OXSR1: variants seen among roughly 807,000 people sequenced by gnomAD.
OXSR1 encodes serine/threonine-protein kinase OSR1.
Under a neutral mutation model 79.8 loss-of-function variants are expected in OXSR1, and 24 were observed. The ratio of observed to expected loss-of-function variants is 0.30; its 90% confidence interval spans 0.22 to 0.42. The LOEUF (loss-of-function observed/expected upper bound fraction) is 0.42, where lower values mean the gene tolerates loss of function less well. Ranked by LOEUF, OXSR1 falls within the 10% of genes least tolerant of loss-of-function variation. The pLI is 1.00. For synonymous variants in OXSR1, 226 were observed against 209.2 expected (o/e 1.08, Z -0.69); for missense variants, 430 against 618.4 (o/e 0.70, Z 3.23).
intron 2 of OXSR1, among the ~76,000 whole-genome samples, chr3:38,185,281 A>G (rs1701863132): frequency 1.3e-5 from 2 of 152,282 alleles, no homozygotes; most frequent in East Asian, 3.9e-4. Context: ...GTTATAACAA[A>G]CTAAGTAAAA....
Position 38,165,555 on chromosome 3 carries a change from G to A in OXSR1, c.-322G>A, listed in dbSNP as rs1006627655. On this transcript the variant is annotated 5_prime_UTR_variant, in exon 1 of 18. Transcript: ENST00000311806. ...AAAGTTTGGCCCGTGCGTGGGGCTG[G>A]GGTGGAGGGCGGGACAGAGGGGCTG... The A allele has an allele frequency of 5.6e-6, 2 of 360,224 alleles. No individual in the cohort carries two copies. The highest frequency in any genetic ancestry group is 4.4e-5 in the African/African-American group (2 of 45,892). The allele number at this position is 360,224 out of a possible 1,614,324, so 22.3% of individuals were successfully genotyped here. A position where few individuals can be genotyped will look rare whatever the true frequency, so the allele number is the denominator to read the frequency against.
chr3:38,250,460 T>G (rs923574465), intron 15 of OXSR1, among the ~76,000 whole-genome samples: 1 of 152,214 alleles, frequency 6.6e-6, no homozygotes, highest in African/African-American at 2.4e-5. Context: ...TATACATGGT[T>G]GTTCTCCATG....
intron 6 of OXSR1, 96 bp from the exon 7 acceptor site, chr3:38,223,716 C>CT: frequency 1.4e-6 from 1 of 729,762 alleles, no homozygotes; most frequent in South Asian, 2.0e-5. Context: ...TCCCAAAGTG[C>CT]TGGGATTACA....
chr3:38,253,082 T>C lies in OXSR1; in HGVS notation c.*191T>C. 1.7e-6 allele frequency: 1 copy of C among 587,468 alleles called. No individual in the cohort carries two copies. The highest frequency in any genetic ancestry group is 2.1e-5 in the South Asian group (1 of 48,008). 36.4% of individuals were successfully genotyped at this position (587,468 alleles called of 1,614,324 possible). A position where few individuals can be genotyped will look rare whatever the true frequency, so the allele number is the denominator to read the frequency against. On this transcript the variant is annotated 3_prime_UTR_variant, in exon 18 of 18. Transcript: ENST00000311806. Reference sequence around the variant, plus strand: ...AGGGAAAGAAAAGTTGGATCACTAGTGGCCAGCATCCCCAGAGTTCCGTTA... The same window carrying C: ...AGGGAAAGAAAAGTTGGATCACTAGCGGCCAGCATCCCCAGAGTTCCGTTA...
In OXSR1 at chr3:38,236,905, G is replaced by A; in HGVS notation, c.1018G>A (p.Asp340Asn). The change falls in exon 11 of 18, where the codon GAT becomes AAT. Residue 340 changes from aspartate (D) to asparagine (N), a missense_variant. Physicochemically the swap from Asp to Asn is conservative, Grantham distance 23. Around this residue, in one of 3 missense-constraint regions of OXSR1, gnomAD observed 276 missense variants for 354.2 expected, o/e 0.78. Transcript: ENST00000311806. ...AGAGGATGGAGGCTGGGAGTGGAGT[G>A]ATGATGAATTTGATGAAGAAAGTGA... ...KTEDGGWEWS[D>N]DEFDEESEEG... The A allele has an allele frequency of 1.9e-6, 3 of 1,612,766 alleles. No individual in the cohort carries two copies. The highest frequency in any genetic ancestry group is 2.5e-6 in the Non-Finnish European group (3 of 1,179,078).
chr3:38,213,277 T>A (rs1702421802), intron 4 of OXSR1, among the ~76,000 whole-genome samples: 1 of 152,180 alleles, frequency 6.6e-6, no homozygotes, highest in Non-Finnish European at 1.5e-5. Flanking sequence ...AATGGCACCT[T>A]ACTTTTATGG....
chr3:38,165,709 C>G lies in OXSR1; in HGVS notation c.-168C>G. ...GGAGCTCTGAGCCCCCGCTGCTCTG[C>G]CGCGCGGTGACCCCGCGCCCCGGCG... On this transcript the variant is annotated 5_prime_UTR_variant, in exon 1 of 18. Coordinates refer to ENST00000311806, the MANE Select transcript of OXSR1 (RefSeq NM_005109.3). 1 of 583,380 alleles carries G rather than the reference C, an allele frequency of 1.7e-6. No homozygotes were observed. Among genetic ancestry groups the G allele is most frequent in the Non-Finnish European group, 3.0e-6 (1 of 337,234 alleles). 36.1% of individuals were successfully genotyped at this position (583,380 alleles called of 1,614,324 possible).
intron 12 of OXSR1, among the ~76,000 whole-genome samples, chr3:38,245,040 T>C (rs565868359): frequency 7.6e-4 from 116 of 152,266 alleles, no homozygotes; most frequent in African/African-American, 2.2e-3. Flanking sequence ...GTATTAATAA[T>C]TAACATTTTC....
rs781464170 is a variant in OXSR1 at position 38,255,350 on chromosome 3, A to G, written c.*2459A>G. 1.3e-5 allele frequency: 2 copies of G among 152,694 alleles called. No individual in the cohort carries two copies. Among genetic ancestry groups the G allele is most frequent in the Non-Finnish European group, 2.9e-5 (2 of 68,046 alleles). 9.5% of individuals were successfully genotyped at this position (152,694 alleles called of 1,614,324 possible). On this transcript the variant is annotated 3_prime_UTR_variant, in exon 18 of 18. Coordinates refer to ENST00000311806, the MANE Select transcript of OXSR1 (RefSeq NM_005109.3). The stretch of plus-strand genomic sequence containing the variant: ...TGGAGGAGAGAATAATGATGTACCA[A>G]TAAGTGGAGATTCCTCCTTATGATG...
chr3:38,225,779 T>C (rs1027208883), intron 8 of OXSR1, among the ~76,000 whole-genome samples: 11 of 152,160 alleles, frequency 7.2e-5, no homozygotes, highest in Non-Finnish European at 1.6e-4. Flanking sequence ...CCCATGGCTG[T>C]TTTCAGTGGG....
rs1265246479 is a variant in OXSR1, at chr3:38,252,873, C to G, written c.1566C>G (p.Ala522=). ...IPDDGKLIGF[A]QLSIS ...ATGATGGTAAACTGATAGGATTTGC[C>G]CAGCTCAGCATCAGCTAAACCACAA... Residue 522 remains alanine, a synonymous_variant, in exon 18 of 18, where the codon GCC becomes GCG. Transcript: ENST00000311806. 1 of 1,613,590 alleles carries G rather than the reference C, an allele frequency of 6.2e-7. No individual in the cohort carries two copies. Among genetic ancestry groups the G allele is most frequent in the South Asian group, 1.1e-5 (1 of 91,068 alleles).
intron 4 of OXSR1, among the ~76,000 whole-genome samples, chr3:38,199,830 C>A (rs556577120): frequency 6.6e-6 from 1 of 152,282 alleles, no homozygotes; most frequent in African/African-American, 2.4e-5. Context: ...AGATGCTGGA[C>A]TCAGGACTCA....
chr3:38,183,079 C>T lies in OXSR1; in HGVS notation c.147C>T (p.Asn49=). The T allele has an allele frequency of 6.2e-7, 1 of 1,612,032 alleles. No homozygotes were observed. The highest frequency in any genetic ancestry group is 8.5e-7 in the Non-Finnish European group (1 of 1,178,802). ...AGAAAGTGGCAATCAAACGGATAAA[C>T]CTTGAGAAATGTCAAACTAGCATGG... ...KKEKVAIKRI[N]LEKCQTSMDE... Residue 49 remains asparagine, a synonymous_variant, in exon 2 of 18, where the codon AAC becomes AAT. Coordinates refer to ENST00000311806, the MANE Select transcript of OXSR1 (RefSeq NM_005109.3).
rs763820051 is a variant in OXSR1, at chr3:38,216,072, A to G, written c.435-24A>G. ...CCAAAGAATAGATGTTTTTTGATAC[A>G]TAACTTTTTTTTTTTTTTTAAAGAG... is the stretch of plus-strand genomic sequence containing the variant. On this transcript the variant is annotated intron_variant, in intron 4 of 17. Coordinates refer to ENST00000311806, the MANE Select transcript of OXSR1 (RefSeq NM_005109.3). 1.1e-5 allele frequency: 15 copies of G among 1,400,042 alleles called. No homozygotes were observed. The Admixed American group carries it at 1.5e-4, about 14-fold the overall frequency. The allele number at this position is 1,400,042 out of a possible 1,614,324, so 86.7% of individuals were successfully genotyped here.
rs35799757 is a variant in OXSR1 at position 38,253,785 on chromosome 3, G to A, written c.*894G>A. 4.4e-3 allele frequency: 774 copies of A among 176,960 alleles called. 23 individuals carry two copies. Among genetic ancestry groups the A allele is most frequent in the Admixed American group, 0.044 (697 of 16,002 alleles). The allele number at this position is 176,960 out of a possible 1,614,324, so 11.0% of individuals were successfully genotyped here. A position where few individuals can be genotyped will look rare whatever the true frequency, so the allele number is the denominator to read the frequency against. On this transcript the variant is annotated 3_prime_UTR_variant, in exon 18 of 18. Coordinates refer to ENST00000311806, the MANE Select transcript of OXSR1 (RefSeq NM_005109.3). Reference sequence around the variant, plus strand: ...GAAAATCAGTTCGCCTGGCCTCCAAGTCGTGAGGAAATGGGTATGCAAGGC... The same window carrying A: ...GAAAATCAGTTCGCCTGGCCTCCAAATCGTGAGGAAATGGGTATGCAAGGC...
intron 15 of OXSR1, among the ~76,000 whole-genome samples, chr3:38,251,031 T>TGAAAA (rs1207531308): frequency 6.6e-6 from 1 of 152,208 alleles, no homozygotes; most frequent in South Asian, 2.1e-4. Flanking sequence ...GCAAAAAACT[T>TGAAAA]GGAGTATGAT....
In OXSR1 at chr3:38,165,653, G is replaced by A; in HGVS notation, c.-224G>A. ...GACGTGGGCTGGGCCGGGCAGTGCC[G>A]GACTCGGAGGAGCAGGAGGCGAGGT... On this transcript the variant is annotated 5_prime_UTR_variant, in exon 1 of 18. Transcript: ENST00000311806. 1 of 526,338 alleles carries A rather than the reference G, an allele frequency of 1.9e-6. No individual in the cohort carries two copies. Among genetic ancestry groups the A allele is most frequent in the Non-Finnish European group, 3.3e-6 (1 of 299,248 alleles). The allele number at this position is 526,338 out of a possible 1,614,324, so 32.6% of individuals were successfully genotyped here.
chr3:38,246,222 G>A lies in OXSR1; in HGVS notation c.1257+1G>A. 6.2e-7 allele frequency: 1 copy of A among 1,613,568 alleles called. No homozygotes were observed. The highest frequency in any genetic ancestry group is 8.5e-7 in the Non-Finnish European group (1 of 1,179,698). ...CGCAGAGCCAGCAAAAACAGCTCAG[G>A]TAAAGCCGGGGATATGGTTTCATGG... On this transcript the variant is annotated splice_donor_variant, in intron 13 of 17. Coordinates refer to ENST00000311806, the MANE Select transcript of OXSR1 (RefSeq NM_005109.3). LOFTEE classifies it high-confidence loss of function.
chr3:38,165,644 G>T lies in OXSR1; in HGVS notation c.-233G>T. 6 of 517,782 alleles carry T rather than the reference G, an allele frequency of 1.2e-5. No homozygotes were observed. The South Asian group carries it at 1.5e-4, about 13-fold the overall frequency. 32.1% of individuals were successfully genotyped at this position (517,782 alleles called of 1,614,324 possible). On this transcript the variant is annotated 5_prime_UTR_variant, in exon 1 of 18. Transcript: ENST00000311806. Reference sequence around the variant, plus strand: ...CGAGGACAGGACGTGGGCTGGGCCGGGCAGTGCCGGACTCGGAGGAGCAGG... The same window carrying T: ...CGAGGACAGGACGTGGGCTGGGCCGTGCAGTGCCGGACTCGGAGGAGCAGG...
Sources: allele counts gnomAD v4.1 joint callset (sites outside exome capture counted in the v4.1 genomes callset), GRCh38; gene constraint gnomAD v4.1.1; regional missense constraint gnomAD v4.1.1; transcripts MANE v1.5; gene names NCBI Gene and HGNC (gene_info 2026-07-23, HGNC 2026-07-21).